IPCEF1: variants seen among roughly 807,000 people sequenced by gnomAD.
IPCEF1 encodes the protein interaction protein for cytohesin exchange factors 1.
A neutral mutation model predicts 50.9 loss-of-function variants in IPCEF1; 31 were observed. The ratio of observed to expected loss-of-function variants is 0.61; its 90% CI spans 0.46 to 0.82. IPCEF1 has a LOEUF of 0.82. Ranked by LOEUF, IPCEF1 falls within the 40% of genes least tolerant of loss-of-function variation. IPCEF1 has a pLI of 0.00. For synonymous variants in IPCEF1, 181 were observed against 192.0 expected, an observed-to-expected ratio of 0.94 and a Z score of 0.47; for missense variants, 458 against 514.0, an observed-to-expected ratio of 0.89 and a Z score of 1.05.
intron 1 of IPCEF1, among the ~76,000 whole-genome samples, chr6:154,349,887 T>G (rs528099528): frequency 6.6e-6 from 1 of 152,350 alleles, no homozygotes; most frequent in East Asian, 1.9e-4. Flanking sequence ...TTACATAGAT[T>G]AAATGTATTA....
intron 1 of IPCEF1, among the ~76,000 whole-genome samples, chr6:154,338,353 G>A (rs1356107048): frequency 6.6e-6 from 1 of 152,186 alleles, no homozygotes; most frequent in East Asian, 1.9e-4. Flanking sequence ...TATGGATAGG[G>A]AACTGAGAGC....
intron 11 of IPCEF1, among the ~76,000 whole-genome samples, chr6:154,166,377 T>C (rs931271532): frequency 1.3e-5 from 2 of 152,198 alleles, no homozygotes; most frequent in Admixed American, 1.3e-4. Flanking sequence ...CCTTTCTCCT[T>C]CTACTAATGA....
chr6:154,342,708 T>C (rs1016997206), intron 1 of IPCEF1, among the ~76,000 whole-genome samples: 1 of 152,174 alleles, frequency 6.6e-6, no homozygotes, highest in Non-Finnish European at 1.5e-5. Context: ...GTGATCCTCC[T>C]GCCTCAGCCT....
At chr6:154,163,619 ATGAC>A (rs1417689846) in intron 11 of IPCEF1, among the ~76,000 whole-genome samples, 4 of 152,362 alleles carry the variant, frequency 2.6e-5, no homozygotes, top group African/African-American at 9.6e-5. Flanking sequence ...GCCTGAAAGA[ATGAC>A]TGCACATGTA....
intron 3 of IPCEF1, among the ~76,000 whole-genome samples, chr6:154,261,021 G>A (rs1781586367): frequency 6.6e-6 from 1 of 152,106 alleles, no homozygotes; most frequent in African/African-American, 2.4e-5. Flanking sequence ...AACACACAAT[G>A]AGCCAGATTC....
At chr6:154,324,013 GT>G (rs1241528022) in intron 1 of IPCEF1, among the ~76,000 whole-genome samples, 1 of 152,154 alleles carries the variant, frequency 6.6e-6, no homozygotes, top group Non-Finnish European at 1.5e-5. Context: ...CACATTGAAA[GT>G]TTTGAAGCTA....
intron 1 of IPCEF1, among the ~76,000 whole-genome samples, chr6:154,333,589 TAC>T (rs1475846008): frequency 6.6e-6 from 1 of 151,422 alleles, no homozygotes; most frequent in Non-Finnish European, 1.5e-5. Context: ...CACATATATA[TAC>T]ACATATATAT....
At chr6:154,176,313 T>C (rs1800324581) in intron 10 of IPCEF1, among the ~76,000 whole-genome samples, 1 of 152,180 alleles carries the variant, frequency 6.6e-6, no homozygotes, top group South Asian at 2.1e-4. Flanking sequence ...GTAATGGAAG[T>C]TCTGGCCAAA....
intron 2 of IPCEF1, among the ~76,000 whole-genome samples, chr6:154,289,388 A>G (rs1782453724): frequency 6.9e-6 from 1 of 144,998 alleles, no homozygotes; most frequent in Non-Finnish European, 1.5e-5. Flanking sequence ...TGTAAAATAG[A>G]CTCTTCACAT....
chr6:154,201,383 C>T (rs1033344095), intron 9 of IPCEF1, among the ~76,000 whole-genome samples: 1 of 152,122 alleles, frequency 6.6e-6, no homozygotes, highest in African/African-American at 2.4e-5. Flanking sequence ...TGTCTCTTTT[C>T]CTTTCTTTAA....
Position 154,159,088 on chromosome 6 carries a change from A to C in IPCEF1, c.*740T>G, listed in dbSNP as rs1163327883. 1 of 152,286 alleles carries C rather than the reference A, an allele frequency of 6.6e-6. No individual in the cohort carries two copies. Among genetic ancestry groups the C allele is most frequent in the Non-Finnish European group, 1.5e-5 (1 of 68,096 alleles). 9.4% of individuals were successfully genotyped at this position (152,286 alleles called of 1,614,324 possible). On this transcript the variant is annotated 3_prime_UTR_variant, in exon 12 of 12. Coordinates refer to ENST00000367220, the MANE Select transcript of IPCEF1 (RefSeq NM_001130700.2). ...CCTATCTCCTACCATTGAGTAGGAA[A>C]GCTCAAAGGAAGTAGAGGTCTCCAA...
intron 3 of IPCEF1, among the ~76,000 whole-genome samples, chr6:154,248,649 T>A (rs1465834690): frequency 2.6e-5 from 4 of 152,136 alleles, no homozygotes; most frequent in Admixed American, 2.6e-4. Context: ...GAGGAGAAGG[T>A]CTTTAAATCC....
chr6:154,250,445 C>G (rs564452948), intron 3 of IPCEF1, among the ~76,000 whole-genome samples: 4 of 152,316 alleles, frequency 2.6e-5, no homozygotes, highest in African/African-American at 9.6e-5. Context: ...CCCTAACTTA[C>G]TTCTAAAGTT....
intron 10 of IPCEF1, among the ~76,000 whole-genome samples, chr6:154,181,727 C>T (rs1053374300): frequency 2.0e-5 from 3 of 152,098 alleles, no homozygotes; most frequent in Non-Finnish European, 2.9e-5. Context: ...TCCACAGGGC[C>T]GCAGGGCACG....
intron 1 of IPCEF1, among the ~76,000 whole-genome samples, chr6:154,333,068 A>G (rs1016298747): frequency 2.0e-5 from 3 of 152,092 alleles, no homozygotes; most frequent in Non-Finnish European, 4.4e-5. Flanking sequence ...TAGGCTCCCA[A>G]CGCTAGATTA....
At chr6:154,173,422 A>G (rs760718865) in intron 10 of IPCEF1, among the ~76,000 whole-genome samples, 1 of 150,036 alleles carries the variant, frequency 6.7e-6, no homozygotes, top group African/African-American at 2.5e-5. Flanking sequence ...AAAAACCTTG[A>G]AAAAAAGATT....
intron 2 of IPCEF1, 109 bp from the exon 3 acceptor site, chr6:154,266,073 T>G: frequency 1.5e-6 from 1 of 678,034 alleles, no homozygotes; most frequent in Non-Finnish European, 2.6e-6. Context: ...TAATCAATTT[T>G]ACAATAAAAG....
At chr6:154,247,390 GAA>G in intron 4 of IPCEF1, 57 bp downstream of exon 4, 1 of 1,399,102 alleles carries the variant, frequency 7.1e-7, no homozygotes, top group Non-Finnish European at 1.0e-6. Flanking sequence ...GCACCCCGGA[GAA>G]AAGCCACACT....
chr6:154,226,157 T>C (rs1386838622), intron 5 of IPCEF1, among the ~76,000 whole-genome samples: 1 of 152,188 alleles, frequency 6.6e-6, no homozygotes, highest in Non-Finnish European at 1.5e-5. Context: ...TCCAAAACTC[T>C]CTATGGATGA....
Sources: allele counts gnomAD v4.1 joint callset (sites outside exome capture counted in the v4.1 genomes callset), GRCh38; gene constraint gnomAD v4.1.1; transcripts MANE v1.5; gene names NCBI Gene and HGNC (gene_info 2026-07-23, HGNC 2026-07-21).